HMGCLL1: variants seen among roughly 807,000 people sequenced by gnomAD.
The protein encoded by HMGCLL1 is 3-hydroxymethyl-3-methylglutaryl-CoA lyase, cytoplasmic.
Under a neutral mutation model 39.1 loss-of-function variants are expected in HMGCLL1, and 36 were observed. That is an observed-to-expected ratio of 0.92 (90% CI 0.71 to 1.22). The LOEUF (loss-of-function observed/expected upper bound fraction) is 1.22. Among genes scored for constraint, HMGCLL1 ranks in the 50% most tolerant of loss-of-function variants. HMGCLL1 has a pLI of 0.00. For missense variants in HMGCLL1, 451 were observed against 416.5 expected (o/e 1.08, Z -0.72); for synonymous variants, 149 against 144.0 (o/e 1.03, Z -0.25).
Position 55,495,599 on chromosome 6 carries a change from CT to C in HMGCLL1, c.614del (p.Lys205ArgfsTer13), listed in dbSNP as rs780512079. The C allele has an allele frequency of 1.9e-5, 30 of 1,594,744 alleles. No homozygotes were observed. In the African/African-American group the frequency reaches 4.0e-4, roughly 22 times the overall value. On this transcript the variant is annotated frameshift_variant, in exon 7 of 9. Transcript: ENST00000274901. LOFTEE classifies it high-confidence loss of function. ...CATAACAACCCATGCCGTACAATCT[CT>C]TAGACACCTGTTGATAAAGGTGAAG... Reference protein sequence around the residue: ...ITPQKVTEVSKRLYGMGCYEI... With the variant: ...ITPQKVTEVSXRLYGMGCYEI...
intron 3 of HMGCLL1, 110 bp downstream of exon 3, chr6:55,541,619 A>G (rs746668720): frequency 1.1e-5 from 7 of 628,850 alleles, no homozygotes; most frequent in Non-Finnish European, 2.0e-5. Flanking sequence ...TAATATTTTG[A>G]AAGAATATGG....
At chr6:55,559,611 A>G (rs1291537940) in intron 1 of HMGCLL1, among the ~76,000 whole-genome samples, 1 of 152,164 alleles carries the variant, frequency 6.6e-6, no homozygotes, top group Non-Finnish European at 1.5e-5. Context: ...TTCACACTGG[A>G]CTTGAGCAAA....
the HMGCLL1 span, among the ~76,000 whole-genome samples, chr6:55,670,060 T>C: frequency 6.6e-6 from 1 of 151,820 alleles, no homozygotes; most frequent in Non-Finnish European, 1.5e-5. Context: ...ATGACAATAC[T>C]GAAGACTATA....
intron 3 of HMGCLL1, among the ~76,000 whole-genome samples, chr6:55,521,637 T>C (rs995950024): frequency 6.6e-6 from 1 of 152,076 alleles, no homozygotes; most frequent in Non-Finnish European, 1.5e-5. Flanking sequence ...AACCACACCA[T>C]ATAAGATGGC....
chr6:55,448,263 A>G lies in HMGCLL1; in HGVS notation c.796-8704T>C, dbSNP rs376043018. Among the ~76,000 whole-genome samples, 14 of 151,458 alleles carry G rather than the reference A, an allele frequency of 9.2e-5. No individual in the cohort carries two copies. The East Asian group carries it at 1.2e-3, about 13-fold the overall frequency. ...AATAGAGACAGAGTTGATAAATTAC[A>G]TAAGATTGGCTATCATGAAATAGTA... On this transcript the variant is annotated intron_variant, in intron 7 of 8. Transcript: ENST00000274901.
At chr6:55,539,743 T>C (rs1043561209) in intron 3 of HMGCLL1, among the ~76,000 whole-genome samples, 2 of 149,866 alleles carry the variant, frequency 1.3e-5, no homozygotes, top group African/African-American at 4.9e-5. Flanking sequence ...GAAAAATAAC[T>C]AAAGGATACT....
At chr6:55,498,734 T>C (rs1312250691) in intron 6 of HMGCLL1, among the ~76,000 whole-genome samples, 2 of 152,146 alleles carry the variant, frequency 1.3e-5, no homozygotes, top group African/African-American at 2.4e-5. Context: ...AACCTATTGC[T>C]GTAAAATTGT....
At chr6:55,631,081 C>G in the HMGCLL1 span, among the ~76,000 whole-genome samples, 2 of 151,976 alleles carry the variant, frequency 1.3e-5, no homozygotes, top group African/African-American at 2.4e-5. Context: ...TCTTCTCGTA[C>G]TTGAATCATT....
the HMGCLL1 span, among the ~76,000 whole-genome samples, chr6:55,673,612 G>A: frequency 3.9e-5 from 6 of 152,008 alleles, no homozygotes; most frequent in East Asian, 1.9e-4. Context: ...AAGCAGTCAC[G>A]TTAAAATATT....
intron 1 of HMGCLL1, 44 bp downstream of exon 1, chr6:55,578,904 G>T (rs994396867): frequency 2.1e-6 from 3 of 1,408,830 alleles, no homozygotes; most frequent in Non-Finnish European, 3.0e-6. Context: ...CTGGCTGTCA[G>T]TGTGCGCATG....
chr6:55,455,754 T>C (rs1764295680), intron 7 of HMGCLL1, among the ~76,000 whole-genome samples: 1 of 152,198 alleles, frequency 6.6e-6, no homozygotes. Flanking sequence ...GCTTTCAAAA[T>C]AATGATAGCC....
At chr6:55,502,945 T>C (rs1369973223) in intron 5 of HMGCLL1, among the ~76,000 whole-genome samples, 1 of 149,148 alleles carries the variant, frequency 6.7e-6, no homozygotes, top group Non-Finnish European at 1.5e-5. Flanking sequence ...TTATAATCTT[T>C]TTCAGATTGT....
At chr6:55,663,753 C>T in the HMGCLL1 span, among the ~76,000 whole-genome samples, 1 of 151,576 alleles carries the variant, frequency 6.6e-6, no homozygotes, top group Non-Finnish European at 1.5e-5. Flanking sequence ...TCAGTGAGAT[C>T]TACTACTGTC....
chr6:55,591,684 GTT>G, the HMGCLL1 span, among the ~76,000 whole-genome samples: 2,096 of 142,124 alleles, frequency 0.015, 50 homozygotes, highest in African/African-American at 0.048. Flanking sequence ...ACTTAAGGAA[GTT>G]TTTTTTTTTT....
At chr6:55,496,053 A>G (rs1193956354) in intron 6 of HMGCLL1, among the ~76,000 whole-genome samples, 1 of 152,114 alleles carries the variant, frequency 6.6e-6, no homozygotes. Context: ...AAATTTACAA[A>G]TATTTCACTA....
intron 1 of HMGCLL1, among the ~76,000 whole-genome samples, chr6:55,565,217 G>A (rs1771156783): frequency 6.6e-6 from 1 of 151,972 alleles, no homozygotes; most frequent in South Asian, 2.1e-4. Context: ...CAGGTGAGTG[G>A]CCTAGAGTGG....
chr6:55,563,499 TGG>T (rs1220277037), intron 1 of HMGCLL1, among the ~76,000 whole-genome samples: 3 of 152,180 alleles, frequency 2.0e-5, no homozygotes, highest in African/African-American at 7.2e-5. Flanking sequence ...TTTTCACTCC[TGG>T]GAATTAGTGA....
chr6:55,506,691 G>C (rs1767182315), intron 5 of HMGCLL1, among the ~76,000 whole-genome samples: 1 of 151,600 alleles, frequency 6.6e-6, no homozygotes, highest in South Asian at 2.1e-4. Flanking sequence ...GAGATCAACT[G>C]TATCTCAGTG....
At chr6:55,559,089 G>A (rs959731345) in intron 1 of HMGCLL1, among the ~76,000 whole-genome samples, 1 of 152,042 alleles carries the variant, frequency 6.6e-6, no homozygotes, top group African/African-American at 2.4e-5. Flanking sequence ...CACCCTAAGG[G>A]AACGCCAGTC....
Sources: allele counts gnomAD v4.1 joint callset (sites outside exome capture counted in the v4.1 genomes callset), GRCh38; gene constraint gnomAD v4.1.1; transcripts MANE v1.5; gene names NCBI Gene and HGNC (gene_info 2026-07-23, HGNC 2026-07-21).